Variants in MROH9 observed in about 807,000 individuals in gnomAD.
MROH9 encodes maestro heat-like repeat-containing protein family member 9.
A neutral mutation model predicts 98.2 loss-of-function variants in MROH9; 92 were observed. The observed-to-expected ratio is 0.94, with a 90% CI of 0.79 to 1.11. MROH9 has a LOEUF of 1.11. Ranked by LOEUF, MROH9 falls within the 50% of genes most tolerant of loss-of-function variation. The pLI, the probability that MROH9 is intolerant of heterozygous loss-of-function variation, is 0.00. For synonymous variants in MROH9, 397 were observed against 368.9 expected, an observed-to-expected ratio of 1.08 and a Z score of -0.87; for missense variants, 1,057 against 1,014.8, an observed-to-expected ratio of 1.04 and a Z score of -0.57.
chr1:171,062,297 C>G, intron 21 of MROH9, 103 bp downstream of exon 21: 2 of 751,812 alleles, frequency 2.7e-6, no homozygotes, highest in African/African-American at 1.8e-5. Context: ...CCAGGCCAGA[C>G]AGGAAGAGGG....
intron 1 of MROH9, among the ~76,000 whole-genome samples, chr1:170,938,481 G>A (rs1197277562): frequency 2.0e-5 from 3 of 152,158 alleles, no homozygotes; most frequent in Admixed American, 1.3e-4. Flanking sequence ...AGCTGATGAC[G>A]TAACTGAGTC....
chr1:170,992,412 T>C (rs1458291326), intron 12 of MROH9, 83 bp downstream of exon 12: 4 of 1,420,832 alleles, frequency 2.8e-6, no homozygotes, highest in Non-Finnish European at 2.9e-6. Context: ...GACTCAATCA[T>C]ACTTTCTTAA....
At chr1:170,969,688 G>A (rs1650365561) in intron 7 of MROH9, among the ~76,000 whole-genome samples, 1 of 151,992 alleles carries the variant, frequency 6.6e-6, no homozygotes. Context: ...ATAAGGGACT[G>A]GAGAGGCCAG....
chr1:170,949,885 G>A (rs564671906), intron 3 of MROH9, among the ~76,000 whole-genome samples: 1 of 152,160 alleles, frequency 6.6e-6, no homozygotes, highest in South Asian at 2.1e-4. Context: ...CAAGGAAGAT[G>A]AGAAAGGGAA....
At chr1:171,009,941 AT>A (rs367943014) in intron 15 of MROH9, among the ~76,000 whole-genome samples, 1 of 151,960 alleles carries the variant, frequency 6.6e-6, no homozygotes, top group African/African-American at 2.4e-5. Context: ...TTGTAACATT[AT>A]TTTTTTTCCT....
rs752922792 is a variant in MROH9, at chr1:170,995,482, C to T, written c.1288C>T (p.Gln430Ter). The change falls in exon 13 of 22, where the codon CAA becomes TAA. Residue 430 changes from glutamine (Q) to a stop codon, truncating the protein, a stop_gained. Coordinates refer to ENST00000367759, the MANE Select transcript of MROH9 (RefSeq NM_001163629.2). LOFTEE classifies it high-confidence loss of function. The stretch of plus-strand genomic sequence containing the variant: ...CCAGCTCTTGACGACTCTTATGTTC[C>T]AAGTCTTCTACAACAGTGAGCTGAA... ...FPQLLTTLMF[Q>*]VFYNSELKPI... 1 of 1,613,318 alleles carries T rather than the reference C, an allele frequency of 6.2e-7. No homozygotes were observed. Among genetic ancestry groups the T allele is most frequent in the South Asian group, 1.1e-5 (1 of 91,064 alleles).
chr1:170,959,151 G>A (rs576732674), intron 4 of MROH9, among the ~76,000 whole-genome samples: 28 of 152,188 alleles, frequency 1.8e-4, no homozygotes, highest in East Asian at 9.7e-4. Flanking sequence ...TGAGGCGGGC[G>A]GATCATGAGG....
intron 13 of MROH9, 49 bp downstream of exon 13, chr1:170,995,580 C>T (rs78402751): frequency 4.0e-4 from 643 of 1,597,134 alleles, no homozygotes; most frequent in African/African-American, 2.8e-3. Context: ...AAGCGTCCAG[C>T]TGTCAATACT....
At chr1:171,007,224 G>A (rs2101825456) in intron 15 of MROH9, among the ~76,000 whole-genome samples, 1 of 152,300 alleles carries the variant, frequency 6.6e-6, no homozygotes, top group African/African-American at 2.4e-5. Context: ...TGGTTGGCTG[G>A]TCTGTTACCA....
intron 15 of MROH9, among the ~76,000 whole-genome samples, chr1:171,002,667 G>C (rs1246940705): frequency 6.6e-6 from 1 of 152,180 alleles, no homozygotes; most frequent in Non-Finnish European, 1.5e-5. Flanking sequence ...TGGTGCTTCT[G>C]TCTAACAGCT....
At chr1:170,945,291 T>A (rs1317926949) in intron 1 of MROH9, among the ~76,000 whole-genome samples, 1 of 152,060 alleles carries the variant, frequency 6.6e-6, no homozygotes, top group East Asian at 1.9e-4. Context: ...TCCAGCTGTG[T>A]GAGACCCTGA....
Position 170,986,660 on chromosome 1 carries a change from G to T in MROH9, c.829G>T (p.Ala277Ser), listed in dbSNP as rs1651144792. ...SPDDKIASDA[A>S]SILIFTLEFH... ...TGATGATAAAATCGCATCTGATGCAGCATCCATACTGATATTTACTCTGGA... is the reference window on the plus strand; with the variant it reads ...TGATGATAAAATCGCATCTGATGCATCATCCATACTGATATTTACTCTGGA... The change falls in exon 10 of 22, where the codon GCA (alanine) becomes TCA (serine). Residue 277 changes from alanine to serine, a missense_variant. Physicochemically the swap from Ala to Ser is moderately conservative, Grantham distance 99. Coordinates refer to ENST00000367759, the MANE Select transcript of MROH9 (RefSeq NM_001163629.2). The T allele has an allele frequency of 1.2e-6, 2 of 1,613,892 alleles. No individual in the cohort carries two copies. Among genetic ancestry groups the T allele is most frequent in the African/African-American group, 1.3e-5 (1 of 75,018 alleles).
chr1:171,048,989 C>T (rs1429258481), intron 20 of MROH9, among the ~76,000 whole-genome samples: 3 of 152,290 alleles, frequency 2.0e-5, no homozygotes, highest in East Asian at 3.9e-4. Flanking sequence ...GACTGGTGAC[C>T]TATCCTACTG....
At chr1:170,985,072 G>A (rs1036366514) in intron 9 of MROH9, among the ~76,000 whole-genome samples, 3 of 152,144 alleles carry the variant, frequency 2.0e-5, no homozygotes, top group African/African-American at 7.2e-5. Flanking sequence ...TATAGTGGTT[G>A]GTTGTAAGAG....
chr1:171,009,698 T>C (rs1652082343), intron 15 of MROH9, among the ~76,000 whole-genome samples: 5 of 152,222 alleles, frequency 3.3e-5, no homozygotes, highest in Admixed American at 2.6e-4. Flanking sequence ...CTAGGAGTAC[T>C]TTAGCATCCA....
chr1:170,984,147 T>G (rs1420149786), intron 9 of MROH9, among the ~76,000 whole-genome samples: 1 of 152,106 alleles, frequency 6.6e-6, no homozygotes, highest in African/African-American at 2.4e-5. Flanking sequence ...GGGGCCCAGG[T>G]TGGGATTTCC....
chr1:170,944,781 G>A lies in MROH9; in HGVS notation c.-37-739G>A, dbSNP rs117251330. ...TATGTGGTAAGTAGAATTTTAAGACGGCCCCCAATATTCCTGTCCCCTAGT... is the reference window on the plus strand; with the variant it reads ...TATGTGGTAAGTAGAATTTTAAGACAGCCCCCAATATTCCTGTCCCCTAGT... On this transcript the variant is annotated intron_variant, in intron 1 of 21. Transcript: ENST00000367759. Among the ~76,000 whole-genome samples the A allele has an allele frequency of 7.9e-5, 12 of 151,824 alleles. No individual in the cohort carries two copies. The East Asian group carries it at 1.9e-3, about 25-fold the overall frequency.
chr1:170,948,566 T>C (rs1557869431), intron 3 of MROH9, among the ~76,000 whole-genome samples: 1 of 152,134 alleles, frequency 6.6e-6, no homozygotes. Context: ...GAATCTACTA[T>C]GCATTAAATA....
At chr1:170,945,069 T>C (rs1332260102) in intron 1 of MROH9, among the ~76,000 whole-genome samples, 1 of 151,884 alleles carries the variant, frequency 6.6e-6, no homozygotes, top group African/African-American at 2.4e-5. Flanking sequence ...AGTCAGAGAT[T>C]GGTAGTGTGA....
Sources: allele counts gnomAD v4.1 joint callset (sites outside exome capture counted in the v4.1 genomes callset), GRCh38; gene constraint gnomAD v4.1.1; transcripts MANE v1.5; gene names NCBI Gene and HGNC (gene_info 2026-07-23, HGNC 2026-07-21).